Variants in ERBB4 observed in about 807,000 individuals in gnomAD.
The protein encoded by ERBB4 is erb-b2 receptor tyrosine kinase 4, also known as receptor tyrosine-protein kinase erbB-4.
Under a neutral mutation model 158.0 loss-of-function variants are expected in ERBB4, and 42 were observed. The observed-to-expected ratio is 0.27, with a 90% CI of 0.21 to 0.34. The LOEUF (loss-of-function observed/expected upper bound fraction) is 0.34. Ranked by LOEUF, ERBB4 falls within the 10% of genes least tolerant of loss-of-function variation. The pLI, the probability that ERBB4 is intolerant of heterozygous loss-of-function variation, is 1.00. For synonymous variants in ERBB4, 583 were observed against 558.7 expected, an observed-to-expected ratio of 1.04 and a Z score of -0.61; for missense variants, 1,333 against 1,624.1, an observed-to-expected ratio of 0.82 and a Z score of 3.08.
intron 25 of ERBB4, among the ~76,000 whole-genome samples, chr2:211,409,461 T>C (rs1263438847): frequency 6.6e-6 from 1 of 152,200 alleles, no homozygotes; most frequent in African/African-American, 2.4e-5. Flanking sequence ...CTTGTAAGGA[T>C]CATTTTATCT....
chr2:211,889,192 C>T (rs1239417174), intron 3 of ERBB4, among the ~76,000 whole-genome samples: 2 of 144,308 alleles, frequency 1.4e-5, no homozygotes, highest in Non-Finnish European at 3.0e-5. Context: ...CAGCACGCAG[C>T]TGGAGATCTG....
chr2:212,531,496 C>G (rs1250870705), intron 1 of ERBB4, among the ~76,000 whole-genome samples: 1 of 152,042 alleles, frequency 6.6e-6, no homozygotes, highest in Non-Finnish European at 1.5e-5. Context: ...CAACAAAGAC[C>G]ATAGAAATTA....
At chr2:212,452,089 G>A (rs1435164804) in intron 1 of ERBB4, among the ~76,000 whole-genome samples, 1 of 151,538 alleles carries the variant, frequency 6.6e-6, no homozygotes, top group Non-Finnish European at 1.5e-5. Context: ...ATGGATGGGT[G>A]GGAAAAATGT....
At chr2:211,904,652 G>A (rs73073354) in intron 3 of ERBB4, among the ~76,000 whole-genome samples, 5,863 of 152,036 alleles carry the variant, frequency 0.039, 169 homozygotes, top group African/African-American at 0.071. Context: ...AATAGTTTCA[G>A]TGAAGAAATA....
chr2:211,720,608 C>A (rs2074061794), intron 7 of ERBB4, among the ~76,000 whole-genome samples: 1 of 152,176 alleles, frequency 6.6e-6, no homozygotes, highest in Admixed American at 6.5e-5. Context: ...ATCAGCATAC[C>A]ATTATGTGGC....
At chr2:212,108,706 C>CTT (rs775193964) in intron 2 of ERBB4, among the ~76,000 whole-genome samples, 8,652 of 96,882 alleles carry the variant, frequency 0.089, 684 homozygotes, top group South Asian at 0.21. Flanking sequence ...AATGGGTCTG[C>CTT]TTTTTTTTTT....
intron 1 of ERBB4, among the ~76,000 whole-genome samples, chr2:212,394,698 T>A (rs1223324022): frequency 1.3e-5 from 2 of 152,130 alleles, no homozygotes. Flanking sequence ...CTTACCTTGT[T>A]TAGTGTCTCA....
chr2:211,766,293 G>T (rs2075548539), intron 4 of ERBB4, among the ~76,000 whole-genome samples: 1 of 152,162 alleles, frequency 6.6e-6, no homozygotes, highest in Non-Finnish European at 1.5e-5. Flanking sequence ...TTAGCAGTTT[G>T]ATCTGCTTGT....
intron 20 of ERBB4, among the ~76,000 whole-genome samples, chr2:211,549,797 C>G (rs1401575201): frequency 6.6e-6 from 1 of 152,126 alleles, no homozygotes; most frequent in African/African-American, 2.4e-5. Context: ...CTGGAGGGTT[C>G]TGCTGTGATG....
rs898797638 is a variant in ERBB4 at position 211,378,614 on chromosome 2, T to G, written c.*5001A>C. On this transcript the variant is annotated 3_prime_UTR_variant, in exon 28 of 28. Transcript: ENST00000342788. ...TCTGGGATCAGAAAAATTTTATTAATTCTACCCAGAAGTATAAAAACTGGC... is the reference window on the plus strand; with the variant it reads ...TCTGGGATCAGAAAAATTTTATTAAGTCTACCCAGAAGTATAAAAACTGGC... The G allele has an allele frequency of 4.3e-6, 1 of 232,414 alleles. No individual in the cohort carries two copies. Among genetic ancestry groups the G allele is most frequent in the Non-Finnish European group, 8.5e-6 (1 of 117,304 alleles). The allele number at this position is 232,414 out of a possible 1,614,324, so 14.4% of individuals were successfully genotyped here.
intron 20 of ERBB4, among the ~76,000 whole-genome samples, chr2:211,484,652 C>T (rs553300268): frequency 6.6e-6 from 1 of 152,102 alleles, no homozygotes; most frequent in African/African-American, 2.4e-5. Flanking sequence ...AATTTTTCAA[C>T]AGGACATAAC....
intron 2 of ERBB4, among the ~76,000 whole-genome samples, chr2:212,016,880 A>T (rs1380018555): frequency 6.6e-6 from 1 of 152,130 alleles, no homozygotes; most frequent in Non-Finnish European, 1.5e-5. Context: ...GACTTATAAA[A>T]AGAAAGATAT....
intron 2 of ERBB4, among the ~76,000 whole-genome samples, chr2:211,962,298 T>C (rs950255999): frequency 2.4e-4 from 37 of 152,320 alleles, no homozygotes; most frequent in African/African-American, 8.7e-4. Flanking sequence ...CAATTTCATA[T>C]GCATAGTGTT....
intron 19 of ERBB4, among the ~76,000 whole-genome samples, chr2:211,614,183 T>C (rs1314008757): frequency 4.6e-5 from 7 of 152,050 alleles, no homozygotes; most frequent in Non-Finnish European, 1.0e-4. Context: ...AAGACAAACA[T>C]CATCTGTTCT....
rs116000341 is a variant in ERBB4 at position 211,947,815 on chromosome 2, G to A, written c.235-199C>T. Among the ~76,000 whole-genome samples, 2,579 of 152,274 alleles carry A rather than the reference G, an allele frequency of 0.017. 80 individuals carry two copies. The highest frequency in any genetic ancestry group is 0.059 in the African/African-American group (2,444 of 41,554). On this transcript the variant is annotated intron_variant, in intron 2 of 27. Transcript: ENST00000342788. ...TAGAATCTCATTTGAAGTATAAGTTGTGTTTCTTTTAAACAGTTATGAATG... is the reference window on the plus strand; with the variant it reads ...TAGAATCTCATTTGAAGTATAAGTTATGTTTCTTTTAAACAGTTATGAATG...
intron 2 of ERBB4, among the ~76,000 whole-genome samples, chr2:212,076,353 A>T (rs13015590): frequency 6.6e-6 from 1 of 151,988 alleles, no homozygotes; most frequent in East Asian, 1.9e-4. Context: ...ATTGAATAAG[A>T]CAGATGTTTT....
intron 3 of ERBB4, among the ~76,000 whole-genome samples, chr2:211,872,325 G>T (rs773054987): frequency 1.3e-5 from 2 of 152,102 alleles, no homozygotes; most frequent in African/African-American, 2.4e-5. Context: ...TATTGTAAGA[G>T]AATTATTTTG....
chr2:212,534,463 C>G (rs1027290968), intron 1 of ERBB4, among the ~76,000 whole-genome samples: 3 of 152,166 alleles, frequency 2.0e-5, no homozygotes, highest in Non-Finnish European at 4.4e-5. Flanking sequence ...TGCCAGTGAT[C>G]TTGGATCGAT....
In ERBB4 at chr2:211,452,207, T is replaced by A. The variant is rs560448113; in HGVS notation, c.2488-21107A>T. Among the ~76,000 whole-genome samples the A allele has an allele frequency of 5.9e-5, 9 of 152,278 alleles. No individual in the cohort carries two copies. The East Asian group carries it at 1.5e-3, about 26-fold the overall frequency. On this transcript the variant is annotated intron_variant, in intron 20 of 27. Coordinates refer to ENST00000342788, the MANE Select transcript of ERBB4 (RefSeq NM_005235.3). ...CACTATTTTTTTTTGAGATGGAGTC[T>A]CGCTCTGTTGCCCAGGCTGGAGTGC...
Sources: allele counts gnomAD v4.1 joint callset (sites outside exome capture counted in the v4.1 genomes callset), GRCh38; gene constraint gnomAD v4.1.1; transcripts MANE v1.5; gene names NCBI Gene and HGNC (gene_info 2026-07-23, HGNC 2026-07-21).